Variants in CFAP58 observed in about 807,000 individuals in gnomAD.
CFAP58 encodes the protein cilia- and flagella-associated protein 58.
Under a neutral mutation model 119.5 loss-of-function variants are expected in CFAP58, and 88 were observed. The observed-to-expected ratio is 0.74, with a 90% CI of 0.62 to 0.88. The LOEUF (loss-of-function observed/expected upper bound fraction) is 0.88. Among genes scored for constraint, CFAP58 ranks in the 40% least tolerant of loss-of-function variants. The pLI, the probability that CFAP58 is intolerant of heterozygous loss-of-function variation, is 0.00. For missense variants in CFAP58, 990 were observed against 1,021.2 expected (o/e 0.97, Z 0.42); for synonymous variants, 365 against 366.3 (o/e 1.00, Z 0.04).
Position 104,358,042 on chromosome 10 carries a change from T to C in CFAP58, c.10-299T>C, listed in dbSNP as rs547367712. 9.1e-4 allele frequency among the ~76,000 whole-genome samples: 135 copies of C among 148,102 alleles called. 1 individual carries two copies. Among genetic ancestry groups the C allele is most frequent in the South Asian group, 3.1e-3 (15 of 4,772 alleles). On this transcript the variant is annotated intron_variant, in intron 1 of 17. Transcript: ENST00000369704. Reference sequence around the variant, plus strand: ...GTACATATATATACATATGTACATATACACACATATATGTACATATATACA... The same window carrying C: ...GTACATATATATACATATGTACATACACACACATATATGTACATATATACA...
intron 15 of CFAP58, among the ~76,000 whole-genome samples, chr10:104,423,164 T>C (rs1589930970): frequency 6.6e-6 from 1 of 152,174 alleles, no homozygotes; most frequent in Non-Finnish European, 1.5e-5. Flanking sequence ...GTTATTTTTA[T>C]AGGAGAAACA....
At chr10:104,454,298 T>A in intron 17 of CFAP58, 124 bp from the exon 18 acceptor site, 1 of 791,506 alleles carries the variant, frequency 1.3e-6, no homozygotes, top group East Asian at 2.4e-5. Flanking sequence ...AACAACTACC[T>A]TGTCTAAAAC....
chr10:104,434,513 C>T (rs556948110), intron 15 of CFAP58, among the ~76,000 whole-genome samples: 3 of 152,332 alleles, frequency 2.0e-5, no homozygotes, highest in South Asian at 4.1e-4. Flanking sequence ...TCGAATGGCA[C>T]ATGCCATTAG....
At chr10:104,383,967 A>G (rs2011872518) in intron 9 of CFAP58, among the ~76,000 whole-genome samples, 1 of 152,214 alleles carries the variant, frequency 6.6e-6, no homozygotes, top group Non-Finnish European at 1.5e-5. Flanking sequence ...AACTGAATCT[A>G]ATGAAAAATA....
At chr10:104,385,039 G>T (rs763471109) in intron 9 of CFAP58, among the ~76,000 whole-genome samples, 1 of 152,124 alleles carries the variant, frequency 6.6e-6, no homozygotes, top group African/African-American at 2.4e-5. Flanking sequence ...TCAAACCTCC[G>T]GTGGCAAATC....
chr10:104,391,876 G>C (rs994429240), intron 9 of CFAP58, among the ~76,000 whole-genome samples: 1 of 152,116 alleles, frequency 6.6e-6, no homozygotes, highest in African/African-American at 2.4e-5. Context: ...TTAGTGCTTT[G>C]TGTTAAGATC....
chr10:104,451,038 G>A (rs2013187812), intron 17 of CFAP58, among the ~76,000 whole-genome samples: 2 of 152,142 alleles, frequency 1.3e-5, no homozygotes, highest in African/African-American at 4.8e-5. Flanking sequence ...AGTATTATTT[G>A]CCTGATCCCA....
At chr10:104,399,262 G>A in intron 11 of CFAP58, 98 bp from the exon 12 acceptor site, 2 of 1,320,508 alleles carry the variant, frequency 1.5e-6, no homozygotes, top group South Asian at 2.9e-5. Flanking sequence ...TCAGAGGAAA[G>A]AGTAAGAAGC....
chr10:104,447,926 G>T, intron 16 of CFAP58, 109 bp downstream of exon 16: 3 of 1,356,972 alleles, frequency 2.2e-6, no homozygotes, highest in Non-Finnish European at 3.0e-6. Context: ...TCAATGCCAC[G>T]ATCCTCTGAG....
At position 104,454,774 on chromosome 10, in the gene CFAP58, T is replaced by C. The variant is rs2013254180; in HGVS notation, c.*244T>C. The C allele has an allele frequency of 8.8e-6, 4 of 452,924 alleles. No individual in the cohort carries two copies. Among genetic ancestry groups the C allele is most frequent in the Admixed American group, 4.0e-5 (1 of 25,168 alleles). The allele number at this position is 452,924 out of a possible 1,614,324, so 28.1% of individuals were successfully genotyped here. ...TGACCTATTGCATGAAGCAAATCTT[T>C]TGTTGCTACCCCATTGATTGAAATG... On this transcript the variant is annotated 3_prime_UTR_variant, in exon 18 of 18. Transcript: ENST00000369704.
chr10:104,384,449 G>A (rs1462747482), intron 9 of CFAP58, among the ~76,000 whole-genome samples: 6 of 152,098 alleles, frequency 3.9e-5, no homozygotes, highest in South Asian at 4.1e-4. Context: ...GCTCAAGAAC[G>A]AATAAAGAAA....
At chr10:104,425,901 C>A (rs1173233158) in intron 15 of CFAP58, among the ~76,000 whole-genome samples, 1 of 152,120 alleles carries the variant, frequency 6.6e-6, no homozygotes, top group Non-Finnish European at 1.5e-5. Flanking sequence ...AAGGGACAGG[C>A]TCTGGGGAGG....
At chr10:104,392,611 A>T (rs1246730653) in intron 10 of CFAP58, among the ~76,000 whole-genome samples, 1 of 150,364 alleles carries the variant, frequency 6.7e-6, no homozygotes, top group East Asian at 2.0e-4. Context: ...TTTAATTATT[A>T]TGTAGAATTA....
At chr10:104,434,432 C>T (rs1034392399) in intron 15 of CFAP58, among the ~76,000 whole-genome samples, 3 of 152,164 alleles carry the variant, frequency 2.0e-5, no homozygotes. Flanking sequence ...TAGGAGGCCT[C>T]AGGTCTCCTA....
At chr10:104,432,030 T>C (rs971638948) in intron 15 of CFAP58, among the ~76,000 whole-genome samples, 5 of 152,320 alleles carry the variant, frequency 3.3e-5, no homozygotes, top group African/African-American at 1.2e-4. Context: ...GGGGCATCCC[T>C]GTACAAGTTT....
intron 11 of CFAP58, among the ~76,000 whole-genome samples, chr10:104,398,995 CA>C: frequency 6.6e-6 from 1 of 152,176 alleles, no homozygotes; most frequent in Non-Finnish European, 1.5e-5. Flanking sequence ...TCCTCACCCC[CA>C]CATCCTGCTC....
chr10:104,346,633 C>CTGTTTTTTTTT, the CFAP58 span, among the ~76,000 whole-genome samples: 1 of 101,112 alleles, frequency 9.9e-6, no homozygotes, highest in South Asian at 3.0e-4. Context: ...GCCATTTAGT[C>CTGTTTTTTTTT]TTTTTTTTTT....
chr10:104,358,638 G>A lies in CFAP58; in HGVS notation c.291+16G>A. ...CCTAAAGAAGGTCAGTGATCTTCTAGAAATGGAATGAACCTGAATTTAAAA... is the reference window on the plus strand; with the variant it reads ...CCTAAAGAAGGTCAGTGATCTTCTAAAAATGGAATGAACCTGAATTTAAAA... On this transcript the variant is annotated intron_variant, in intron 2 of 17. Transcript: ENST00000369704. 1.3e-6 allele frequency: 2 copies of A among 1,597,836 alleles called. No homozygotes were observed. Among genetic ancestry groups the A allele is most frequent in the Non-Finnish European group, 1.7e-6 (2 of 1,169,366 alleles).
chr10:104,454,367 C>G (rs2013243822), intron 17 of CFAP58, 55 bp from the exon 18 acceptor site: 2 of 1,389,808 alleles, frequency 1.4e-6, no homozygotes, highest in Admixed American at 1.7e-5. Flanking sequence ...TATCAAATGT[C>G]AAACTTAGAC....
Sources: gnomAD v4.1 joint callset for allele counts (sites outside exome capture counted in the v4.1 genomes callset) on GRCh38, gnomAD v4.1.1 for gene constraint, MANE v1.5 for transcripts, NCBI Gene and HGNC (gene_info 2026-07-23, HGNC 2026-07-21) for gene names.